COX7B2: variants seen among roughly 807,000 people sequenced by gnomAD.
The protein encoded by COX7B2 is cytochrome c oxidase subunit 7B2, mitochondrial.
For synonymous variants in COX7B2, 37 were observed against 32.1 expected, an observed-to-expected ratio of 1.15 and a Z score of -0.51; for missense variants, 109 against 95.9, an observed-to-expected ratio of 1.14 and a Z score of -0.57.
At chr4:46,747,140 A>G (rs1715067149) in intron 2 of COX7B2, among the ~76,000 whole-genome samples, 1 of 151,994 alleles carries the variant, frequency 6.6e-6, no homozygotes, top group Non-Finnish European at 1.5e-5. Context: ...TGTACAGATT[A>G]TTTCATCACC....
chr4:46,793,393 T>A (rs923681762), intron 2 of COX7B2, among the ~76,000 whole-genome samples: 2 of 152,184 alleles, frequency 1.3e-5, no homozygotes, highest in Admixed American at 1.3e-4. Flanking sequence ...CATGCTGACC[T>A]TAGCCATTAG....
chr4:46,869,387 T>C (rs1717856904), intron 1 of COX7B2, among the ~76,000 whole-genome samples: 1 of 152,096 alleles, frequency 6.6e-6, no homozygotes, highest in Non-Finnish European at 1.5e-5. Flanking sequence ...TTAGTATTGA[T>C]ATGTGTGGGT....
chr4:46,890,245 T>G (rs1560439922), intron 1 of COX7B2, among the ~76,000 whole-genome samples: 1 of 152,184 alleles, frequency 6.6e-6, no homozygotes. Flanking sequence ...GGATTTGGCT[T>G]CCGTTCTAGT....
At chr4:46,803,349 G>C (rs770273378) in intron 2 of COX7B2, among the ~76,000 whole-genome samples, 5 of 151,954 alleles carry the variant, frequency 3.3e-5, no homozygotes, top group African/African-American at 7.3e-5. Flanking sequence ...CTAGAAACAG[G>C]GTTGCCAGAT....
At chr4:46,750,502 A>T (rs1715303621) in intron 2 of COX7B2, among the ~76,000 whole-genome samples, 1 of 149,580 alleles carries the variant, frequency 6.7e-6, no homozygotes, top group Admixed American at 6.8e-5. Flanking sequence ...AAATATAACT[A>T]TTAAAGAGTC....
At chr4:46,807,732 A>T (rs1719076307) in intron 2 of COX7B2, among the ~76,000 whole-genome samples, 1 of 151,796 alleles carries the variant, frequency 6.6e-6, no homozygotes, top group African/African-American at 2.4e-5. Flanking sequence ...ATGGAAATCT[A>T]TTGCATATGG....
chr4:46,829,866 T>C (rs139096791), intron 2 of COX7B2, among the ~76,000 whole-genome samples: 61 of 152,312 alleles, frequency 4.0e-4, no homozygotes, highest in African/African-American at 1.4e-3. Context: ...TTGAACTTTA[T>C]TACATATAGT....
intron 1 of COX7B2, among the ~76,000 whole-genome samples, chr4:46,902,980 A>C (rs1680398153): frequency 6.6e-6 from 1 of 152,228 alleles, no homozygotes; most frequent in Admixed American, 6.5e-5. Flanking sequence ...AATTATGATA[A>C]GTATATATCT....
intron 2 of COX7B2, among the ~76,000 whole-genome samples, chr4:46,811,901 GGA>G (rs542429863): frequency 3.7e-4 from 57 of 152,214 alleles, no homozygotes; most frequent in Non-Finnish European, 7.1e-4. Context: ...AGTGATGACT[GGA>G]GGTGCTTACA....
chr4:46,756,685 AT>A (rs1715820860), intron 2 of COX7B2, among the ~76,000 whole-genome samples: 1 of 152,114 alleles, frequency 6.6e-6, no homozygotes, highest in Non-Finnish European at 1.5e-5. Flanking sequence ...CAACAAACAT[AT>A]GAAAAAATAT....
In COX7B2 at chr4:46,861,263, CCA is replaced by C. The variant is rs372617070; in HGVS notation, c.-104-16251_-104-16250del. 4.5e-3 allele frequency among the ~76,000 whole-genome samples: 680 copies of C among 152,278 alleles called. 7 individuals are homozygous for C. The highest frequency in any genetic ancestry group is 0.016 in the African/African-American group (659 of 41,546). On this transcript the variant is annotated intron_variant, in intron 1 of 2. Coordinates refer to ENST00000355591, the MANE Select transcript of COX7B2 (RefSeq NM_130902.3). Reference sequence around the variant, plus strand: ...GTGAATGCAGTTATCACTCCACTGCCCACTCATATCTCATCATTTACTTTTGT... The same window carrying C: ...GTGAATGCAGTTATCACTCCACTGCCCTCATATCTCATCATTTACTTTTGT...
chr4:46,766,168 T>G (rs1224939968), intron 2 of COX7B2, among the ~76,000 whole-genome samples: 1 of 152,112 alleles, frequency 6.6e-6, no homozygotes, highest in East Asian at 1.9e-4. Flanking sequence ...CAAAAGGATG[T>G]TAATTAATAG....
At chr4:46,814,282 A>G (rs1227341619) in intron 2 of COX7B2, among the ~76,000 whole-genome samples, 1 of 152,206 alleles carries the variant, frequency 6.6e-6, no homozygotes, top group Non-Finnish European at 1.5e-5. Flanking sequence ...TCAGAAATAG[A>G]CTTCCATTTT....
At chr4:46,736,061 C>G (rs1202959294) in intron 2 of COX7B2, among the ~76,000 whole-genome samples, 2 of 152,136 alleles carry the variant, frequency 1.3e-5, no homozygotes, top group East Asian at 3.8e-4. Flanking sequence ...AAGGTTCACT[C>G]CTGATATTGT....
At chr4:46,838,542 A>G (rs970628215) in intron 2 of COX7B2, among the ~76,000 whole-genome samples, 1 of 152,092 alleles carries the variant, frequency 6.6e-6, no homozygotes, top group Non-Finnish European at 1.5e-5. Context: ...GTGGTCATGC[A>G]TCAAAGCATA....
rs542304938 is a variant in COX7B2, at chr4:46,901,279, C to T, written c.-105+7881G>A. Among the ~76,000 whole-genome samples, 6 of 152,278 alleles carry T rather than the reference C, an allele frequency of 3.9e-5. No homozygotes were observed. The South Asian group carries it at 6.2e-4, about 16-fold the overall frequency. On this transcript the variant is annotated intron_variant, in intron 1 of 2. Coordinates refer to ENST00000355591, the MANE Select transcript of COX7B2 (RefSeq NM_130902.3). The stretch of plus-strand genomic sequence containing the variant: ...CAGGTATTGAAAGTTATGGTCTCAC[C>T]GATGGACTTGATTCCCACCTCAGCT...
chr4:46,781,729 A>T (rs538346458), intron 2 of COX7B2, among the ~76,000 whole-genome samples: 3 of 152,234 alleles, frequency 2.0e-5, no homozygotes, highest in African/African-American at 7.2e-5. Context: ...ACCAGCCAGC[A>T]TGAGTTCCGG....
At chr4:46,769,558 T>C (rs1716751107) in intron 2 of COX7B2, among the ~76,000 whole-genome samples, 1 of 151,706 alleles carries the variant, frequency 6.6e-6, no homozygotes, top group African/African-American at 2.4e-5. Context: ...CTACTAAAAG[T>C]ACAAAAAAAA....
chr4:46,821,998 A>G (rs1407699944), intron 2 of COX7B2, among the ~76,000 whole-genome samples: 1 of 152,038 alleles, frequency 6.6e-6, no homozygotes, highest in Non-Finnish European at 1.5e-5. Flanking sequence ...TGCAAGCTCT[A>G]CTTCCTGGGT....
Sources: allele counts gnomAD v4.1 joint callset (sites outside exome capture counted in the v4.1 genomes callset), GRCh38; gene constraint gnomAD v4.1.1; transcripts MANE v1.5; gene names NCBI Gene and HGNC (gene_info 2026-07-23, HGNC 2026-07-21).